DPP8: variants seen among roughly 807,000 people sequenced by gnomAD.
The protein encoded by DPP8 is DPP VIII.
DPP8 carries 31 observed loss-of-function variants against 107.5 expected under a neutral mutation model. The ratio of observed to expected loss-of-function variants is 0.29; its 90% CI spans 0.22 to 0.39. The LOEUF is 0.39. Ranked by LOEUF, DPP8 falls within the 10% of genes least tolerant of loss-of-function variation. The pLI is 1.00. For synonymous variants in DPP8, 381 were observed against 356.6 expected (o/e 1.07, Z -0.77); for missense variants, 842 against 1,076.1 (o/e 0.78, Z 3.04).
At chr15:65,486,185 C>A (rs924879737) in intron 7 of DPP8, among the ~76,000 whole-genome samples, 1 of 146,674 alleles carries the variant, frequency 6.8e-6, no homozygotes, top group Admixed American at 6.9e-5. Flanking sequence ...AGGTAGATCA[C>A]GAGGTCAGGA....
intron 11 of DPP8, chr15:65,475,253 T>G: frequency 1.8e-6 from 1 of 547,230 alleles, no homozygotes; most frequent in Non-Finnish European, 3.3e-6. Context: ...AGTATGACAT[T>G]TACAGAGAGA....
chr15:65,512,464 A>G lies in DPP8; in HGVS notation c.90T>C (p.Pro30=), dbSNP rs537215890. ...CEENIESQDR[P]KLEPFYVERY... is the part of the protein sequence containing the mutation. ...GCTCAACATAAAAAGGCTCCAATTT[A>G]GGCCGATCCTGTGATTCAATATTCT... Residue 30 remains proline, a synonymous_variant, in exon 2 of 20, where the codon CCT becomes CCC. Transcript: ENST00000300141. The G allele has an allele frequency of 3.7e-6, 6 of 1,614,212 alleles. No homozygotes were observed. The African/African-American group carries it at 6.7e-5, about 18-fold the overall frequency.
intron 5 of DPP8, among the ~76,000 whole-genome samples, chr15:65,492,171 G>A (rs1014851119): frequency 2.6e-5 from 4 of 151,908 alleles, no homozygotes; most frequent in Non-Finnish European, 2.9e-5. Flanking sequence ...GTGAAACCCC[G>A]CCTCTACAAA....
chr15:65,465,482 C>G (rs1428735642), intron 14 of DPP8, among the ~76,000 whole-genome samples: 1 of 149,660 alleles, frequency 6.7e-6, no homozygotes, highest in Non-Finnish European at 1.5e-5. Flanking sequence ...TTCTTAACCC[C>G]TTAGCAGAAA....
chr15:65,514,309 T>A lies in DPP8; in HGVS notation c.-11-1745A>T, dbSNP rs538204562. On this transcript the variant is annotated intron_variant, in intron 1 of 19. Coordinates refer to ENST00000300141, the MANE Select transcript of DPP8 (RefSeq NM_130434.5). Reference sequence around the variant, plus strand: ...CATTGTAACAAATGAGCATTCACTTTCAATGACTAAAATCCAAAACAGCTT... The same window carrying A: ...CATTGTAACAAATGAGCATTCACTTACAATGACTAAAATCCAAAACAGCTT... Among the ~76,000 whole-genome samples the A allele has an allele frequency of 2.6e-5, 4 of 152,356 alleles. No individual in the cohort carries two copies. The East Asian group carries it at 7.7e-4, about 29-fold the overall frequency.
Position 65,443,316 on chromosome 15 carries a change from G to T in DPP8, c.*3568C>A, listed in dbSNP as rs1369284615. The T allele has an allele frequency of 6.6e-6, 1 of 152,058 alleles. No individual in the cohort carries two copies. The highest frequency in any genetic ancestry group is 1.5e-5 in the Non-Finnish European group (1 of 68,034). The allele number at this position is 152,058 out of a possible 1,614,324, so 9.4% of individuals were successfully genotyped here. On this transcript the variant is annotated 3_prime_UTR_variant, in exon 20 of 20. Coordinates refer to ENST00000300141, the MANE Select transcript of DPP8 (RefSeq NM_130434.5). Reference sequence around the variant, plus strand: ...GGGTATATTTCCTCCTCTCTCTCTAGCATGTAGGTTGTTCTTCTAACAAAT... The same window carrying T: ...GGGTATATTTCCTCCTCTCTCTCTATCATGTAGGTTGTTCTTCTAACAAAT...
chr15:65,481,391 A>G, intron 9 of DPP8, 124 bp downstream of exon 9: 1 of 687,000 alleles, frequency 1.5e-6, no homozygotes, highest in Non-Finnish European at 2.5e-6. Context: ...TTGTGTAGTA[A>G]TAACTGTACT....
rs765268257 is a variant in DPP8 at position 65,467,125 on chromosome 15, T to C, written c.1635A>G (p.Gly545=). ...CACGGTCAGTCAGCCTTGTCACCTC[T>C]CCAGGATTTACGTAACTGACTACGT... is the stretch of plus-strand genomic sequence containing the variant. ...HLYVVSYVNP[G]EVTRLTDRGY... is the part of the protein sequence containing the mutation. Residue 545 remains glycine, a synonymous_variant, in exon 13 of 20, where the codon GGA becomes GGG. Transcript: ENST00000300141. The C allele has an allele frequency of 9.3e-6, 15 of 1,614,036 alleles. No individual in the cohort carries two copies. The highest frequency in any genetic ancestry group is 1.3e-5 in the Non-Finnish European group (15 of 1,180,036).
chr15:65,500,518 T>C, intron 4 of DPP8, 88 bp downstream of exon 4: 1 of 990,458 alleles, frequency 1.0e-6, no homozygotes, highest in Non-Finnish European at 1.5e-6. Flanking sequence ...CTGAAGTTGC[T>C]GGTTTGTTTA....
chr15:65,512,108 C>T lies in DPP8; in HGVS notation c.259+187G>A, dbSNP rs540097907. 3.6e-3 allele frequency: 2,598 copies of T among 725,136 alleles called. 52 individuals are homozygous for T. Among genetic ancestry groups the T allele is most frequent in the South Asian group, 0.029 (1,905 of 66,350 alleles). The allele number at this position is 725,136 out of a possible 1,614,324, so 44.9% of individuals were successfully genotyped here. On this transcript the variant is annotated intron_variant, in intron 2 of 19. Coordinates refer to ENST00000300141, the MANE Select transcript of DPP8 (RefSeq NM_130434.5). The stretch of plus-strand genomic sequence containing the variant: ...ATCATGATCAATTAATGACTTGTTA[C>T]CTACAAGTAAAAATAAAGTTAATGC...
intron 7 of DPP8, among the ~76,000 whole-genome samples, chr15:65,487,448 G>A (rs998507329): frequency 1.7e-4 from 26 of 152,026 alleles, no homozygotes; most frequent in Admixed American, 3.9e-4. Context: ...CACGCCCGGC[G>A]CAAAGATACC....
chr15:65,508,573 C>A (rs1366649613), intron 2 of DPP8, among the ~76,000 whole-genome samples: 2 of 152,058 alleles, frequency 1.3e-5, no homozygotes, highest in African/African-American at 2.4e-5. Context: ...GTATTACTGG[C>A]CGGCCGAGGT....
chr15:65,460,351 G>A (rs986214615), intron 15 of DPP8, among the ~76,000 whole-genome samples: 16 of 152,064 alleles, frequency 1.1e-4, no homozygotes, highest in Middle Eastern at 3.4e-3. Context: ...GCTGAAGCAG[G>A]AGAATCGCTT....
intron 6 of DPP8, 89 bp downstream of exon 6, chr15:65,490,100 T>C: frequency 1.7e-6 from 1 of 599,508 alleles, no homozygotes; most frequent in East Asian, 2.9e-5. Context: ...AAATCTATTA[T>C]CCAAGATTTA....
chr15:65,512,421 G>A lies in DPP8; in HGVS notation c.133C>T (p.Leu45Phe). The A allele has an allele frequency of 6.2e-7, 1 of 1,614,128 alleles. No homozygotes were observed. Among genetic ancestry groups the A allele is most frequent in the Non-Finnish European group, 8.5e-7 (1 of 1,180,018 alleles). ...CTGGTATCGGCAAGCAGCTTTTTAA[G>A]CTGACTCCAGGAATACCGCTCAACA... Reference protein sequence around the residue: ...FYVERYSWSQLKKLLADTRKY... With the variant: ...FYVERYSWSQFKKLLADTRKY... The change falls in exon 2 of 20, where the codon CTT (leucine) becomes TTT (phenylalanine). Residue 45 changes from leucine to phenylalanine, a missense_variant. By Grantham distance (22) the Leu-to-Phe change is conservative. Transcript: ENST00000300141.
intron 12 of DPP8, among the ~76,000 whole-genome samples, chr15:65,471,839 T>C (rs929209611): frequency 2.6e-5 from 4 of 152,182 alleles, no homozygotes; most frequent in Admixed American, 1.3e-4. Context: ...TGGATCTTCA[T>C]TATGTCTCCT....
chr15:65,454,474 C>CT (rs2064235280), intron 16 of DPP8, 59 bp from the exon 17 acceptor site: 3 of 1,428,892 alleles, frequency 2.1e-6, no homozygotes, highest in Non-Finnish European at 2.8e-6. Context: ...CGTAAGAGTG[C>CT]TTTCAAAGAT....
intron 3 of DPP8, among the ~76,000 whole-genome samples, chr15:65,506,913 TTAAAATATA>T (rs545006983): frequency 3.4e-4 from 52 of 151,932 alleles, no homozygotes; most frequent in African/African-American, 1.2e-3. Flanking sequence ...ACAAAATCAA[TTAAAATATA>T]TAAATAAGCC....
chr15:65,495,309 T>C (rs1034777393), intron 5 of DPP8, among the ~76,000 whole-genome samples: 4 of 152,188 alleles, frequency 2.6e-5, no homozygotes, highest in African/African-American at 9.6e-5. Flanking sequence ...GGTGCTCTTA[T>C]AAAACCCTAT....
Sources: allele counts gnomAD v4.1 joint callset (sites outside exome capture counted in the v4.1 genomes callset), GRCh38; gene constraint gnomAD v4.1.1; transcripts MANE v1.5; gene names NCBI Gene and HGNC (gene_info 2026-07-23, HGNC 2026-07-21).